RERE: variants seen among roughly 807,000 people sequenced by gnomAD.
RERE encodes arginine-glutamic acid dipeptide repeats.
In RERE, 40 loss-of-function variants were observed where a neutral mutation model predicts 146.1. The observed-to-expected ratio is 0.27, with a 90% CI of 0.21 to 0.36. RERE has a LOEUF of 0.36. Ranked by LOEUF, RERE falls within the 10% of genes least tolerant of loss-of-function variation. RERE has a pLI of 1.00. For missense variants in RERE, 1,933 were observed against 2,138.7 expected (o/e 0.90, Z 1.90); for synonymous variants, 1,003 against 866.0 (o/e 1.16, Z -2.78).
chr1:8,682,814 C>T (rs1639000151), intron 1 of RERE, among the ~76,000 whole-genome samples: 1 of 151,928 alleles, frequency 6.6e-6, no homozygotes, highest in African/African-American at 2.4e-5. Context: ...AGGTTTTCAA[C>T]CCAGTCTTTA....
intron 3 of RERE, among the ~76,000 whole-genome samples, chr1:8,623,961 A>T (rs1052085382): frequency 6.6e-6 from 1 of 152,166 alleles, no homozygotes; most frequent in Non-Finnish European, 1.5e-5. Context: ...TATTTCCCCT[A>T]CTCATCAATT....
At chr1:8,537,523 T>TA (rs1055071040) in intron 7 of RERE, among the ~76,000 whole-genome samples, 19 of 152,248 alleles carry the variant, frequency 1.2e-4, no homozygotes, top group African/African-American at 4.6e-4. Flanking sequence ...AACCTTGGCA[T>TA]AAAATTTGTT....
At chr1:8,525,951 C>A (rs761952721) in intron 7 of RERE, 4 of 1,343,992 alleles carry the variant, frequency 3.0e-6, no homozygotes, top group Admixed American at 7.9e-5. Flanking sequence ...TCACGCAGAA[C>A]GCAGAAACTT....
chr1:8,459,618 C>T (rs374741629), intron 11 of RERE, among the ~76,000 whole-genome samples: 3 of 152,244 alleles, frequency 2.0e-5, no homozygotes, highest in Non-Finnish European at 2.9e-5. Context: ...TGTACACATA[C>T]GTAAGTTGAC....
intron 1 of RERE, among the ~76,000 whole-genome samples, chr1:8,715,514 T>C (rs1407660089): frequency 6.6e-6 from 1 of 151,690 alleles, no homozygotes; most frequent in Non-Finnish European, 1.5e-5. Context: ...TCCGTCTTAA[T>C]AATAATAATA....
At chr1:8,684,396 TA>T (rs1023480110) in intron 1 of RERE, among the ~76,000 whole-genome samples, 1 of 151,866 alleles carries the variant, frequency 6.6e-6, no homozygotes, top group Non-Finnish European at 1.5e-5. Context: ...AATTTATCAT[TA>T]AAAAAAATCC....
Position 8,659,940 on chromosome 1 carries a change from A to G in RERE, c.-144-3499T>C, listed in dbSNP as rs145624524. ...AAGAAAGTTAAAAATTCAAGAAACA[A>G]TAAAGATGTCTATAAAACAAAATCC... On this transcript the variant is annotated intron_variant, in intron 1 of 22. Transcript: ENST00000400908. 2.8e-4 allele frequency among the ~76,000 whole-genome samples: 43 copies of G among 152,318 alleles called. 1 individual carries two copies. In the East Asian group the frequency reaches 8.1e-3, roughly 29 times the overall value.
chr1:8,429,164 CA>C (rs1644059403), intron 11 of RERE, among the ~76,000 whole-genome samples: 1 of 152,194 alleles, frequency 6.6e-6, no homozygotes, highest in Non-Finnish European at 1.5e-5. Flanking sequence ...ATCATCACAA[CA>C]ACCTTATGAG....
At chr1:8,386,016 ATATATATTTTTTTTTT>A (rs1486061314) in intron 12 of RERE, among the ~76,000 whole-genome samples, 69 of 44,230 alleles carry the variant, frequency 1.6e-3, no homozygotes, top group African/African-American at 5.3e-3. Context: ...ATATATATAT[ATATATATTTTTTTTTT>A]TTTTTTTTTT....
intron 12 of RERE, among the ~76,000 whole-genome samples, chr1:8,377,102 T>C (rs1247505108): frequency 6.6e-6 from 1 of 152,210 alleles, no homozygotes; most frequent in Non-Finnish European, 1.5e-5. Flanking sequence ...ATAACAGATT[T>C]GGAAACCACT....
chr1:8,461,383 A>G (rs145528900), intron 11 of RERE, among the ~76,000 whole-genome samples: 92 of 152,242 alleles, frequency 6.0e-4, no homozygotes, highest in African/African-American at 2.1e-3. Context: ...CTTTGGCTCC[A>G]CCCTTACCCA....
intron 12 of RERE, among the ~76,000 whole-genome samples, chr1:8,388,587 G>GGGAT (rs1313210084): frequency 6.6e-6 from 1 of 152,198 alleles, no homozygotes; most frequent in African/African-American, 2.4e-5. Context: ...CCAAAGTGCT[G>GGGAT]GGATTACAGG....
chr1:8,423,569 T>G lies in RERE; in HGVS notation c.1204-762A>C. On this transcript the variant is annotated intron_variant, in intron 11 of 22. Transcript: ENST00000400908. The surrounding 1 kb of genome is among the most constrained non-coding windows in gnomAD (Gnocchi z 5.4). ...TGGCTCCGAGCCCCCACCTCGGGGC[T>G]CCCAGCCTGGTCCCGGGCGGCCGAC... The G allele has an allele frequency of 1.0e-6, 1 of 984,688 alleles. No individual in the cohort carries two copies. 61.0% of individuals were successfully genotyped at this position (984,688 alleles called of 1,614,324 possible). A position where few individuals can be genotyped will look rare whatever the true frequency, so the allele number is the denominator to read the frequency against.
rs891113003 is a variant in RERE at position 8,509,515 on chromosome 1, G to A, written c.831-840C>T. 2.6e-5 allele frequency among the ~76,000 whole-genome samples: 4 copies of A among 152,128 alleles called. No individual in the cohort carries two copies. The East Asian group carries it at 7.7e-4, about 29-fold the overall frequency. On this transcript the variant is annotated intron_variant, in intron 7 of 22. Coordinates refer to ENST00000400908, the MANE Select transcript of RERE (RefSeq NM_001042681.2). The stretch of plus-strand genomic sequence containing the variant: ...AATTGTCCTAGGTGTTGGGGATAAA[G>A]CAACAAACAGGGACAGGTACAGAGG...
intron 4 of RERE, among the ~76,000 whole-genome samples, chr1:8,598,695 T>TC (rs1400037592): frequency 6.6e-6 from 1 of 152,050 alleles, no homozygotes; most frequent in African/African-American, 2.4e-5. Flanking sequence ...CTCAACCCTC[T>TC]CCCCTCCATG....
chr1:8,734,451 C>A (rs917511720), intron 1 of RERE, among the ~76,000 whole-genome samples: 2 of 151,996 alleles, frequency 1.3e-5, no homozygotes, highest in African/African-American at 4.8e-5. Flanking sequence ...TATAGTTTCC[C>A]AAAGCTTATG....
chr1:8,600,337 A>T (rs1479831123), intron 4 of RERE, among the ~76,000 whole-genome samples: 1 of 152,214 alleles, frequency 6.6e-6, no homozygotes, highest in African/African-American at 2.4e-5. Flanking sequence ...CAGATTAAAC[A>T]CATCTATCTA....
At chr1:8,602,040 C>A (rs941111861) in intron 4 of RERE, among the ~76,000 whole-genome samples, 11 of 152,184 alleles carry the variant, frequency 7.2e-5, no homozygotes, top group Non-Finnish European at 1.6e-4. Flanking sequence ...GTACCCTTCT[C>A]TCTAATAAAA....
intron 2 of RERE, 113 bp downstream of exon 2, chr1:8,655,860 C>G: frequency 6.6e-7 from 1 of 1,506,190 alleles, no homozygotes; most frequent in South Asian, 1.4e-5. Flanking sequence ...GTTTCCTACT[C>G]TTCTAGATTC....
Sources: allele counts gnomAD v4.1 joint callset (sites outside exome capture counted in the v4.1 genomes callset), GRCh38; gene constraint gnomAD v4.1.1; non-coding constraint Gnocchi (gnomAD v3.1); transcripts MANE v1.5; gene names NCBI Gene and HGNC (gene_info 2026-07-23, HGNC 2026-07-21).